The following UBR7 variants were observed in gnomAD, a reference collection of about 807,000 sequenced individuals.
UBR7 encodes the protein ubiquitin protein ligase E3 component n-recognin 7, also known as putative E3 ubiquitin-protein ligase UBR7.
A neutral mutation model predicts 57.0 loss-of-function variants in UBR7; 22 were observed. The observed-to-expected ratio is 0.39, with a 90% CI of 0.28 to 0.55. The LOEUF (loss-of-function observed/expected upper bound fraction) is 0.55, where lower values mean the gene tolerates loss of function less well. Among genes scored for constraint, UBR7 ranks in the 20% least tolerant of loss-of-function variants. The probability of loss-of-function intolerance (pLI) is 0.69; values close to 1 mark genes in which losing one functional copy is unlikely to be tolerated. For missense variants in UBR7, 395 were observed against 513.2 expected (o/e 0.77, Z 2.23); for synonymous variants, 167 against 179.8 (o/e 0.93, Z 0.57).
chr14:93,211,975 G>A, intron 3 of UBR7, 57 bp from the exon 4 acceptor site: 1 of 1,328,424 alleles, frequency 7.5e-7, no homozygotes, highest in Admixed American at 1.9e-5. Flanking sequence ...TTTATAATGT[G>A]TGAAATTATA....
intron 1 of UBR7, among the ~76,000 whole-genome samples, chr14:93,209,014 C>T (rs1364956813): frequency 1.3e-5 from 2 of 152,084 alleles, no homozygotes; most frequent in African/African-American, 2.4e-5. Flanking sequence ...GTTTTCACCA[C>T]GTTGACCAGG....
rs1894874821 is a variant in UBR7, at chr14:93,227,213, A to G, written c.*178A>G. ...CCGTGTGGATGCTGACTTCACAGCC[A>G]GCGTCCTCTGTGACTCAGCTGATGC... On this transcript the variant is annotated 3_prime_UTR_variant, in exon 11 of 11. Coordinates refer to ENST00000013070, the MANE Select transcript of UBR7 (RefSeq NM_175748.4). 1.6e-6 allele frequency: 1 copy of G among 639,816 alleles called. No individual in the cohort carries two copies. Among genetic ancestry groups the G allele is most frequent in the East Asian group, 3.2e-5 (1 of 31,514 alleles). 39.6% of individuals were successfully genotyped at this position (639,816 alleles called of 1,614,324 possible).
At chr14:93,211,776 T>C (rs990946769) in intron 3 of UBR7, among the ~76,000 whole-genome samples, 2 of 151,958 alleles carry the variant, frequency 1.3e-5, no homozygotes, top group Non-Finnish European at 2.9e-5. Flanking sequence ...AACTTTTATC[T>C]CCATTTTATT....
In UBR7 at chr14:93,207,369, G is replaced by A. The variant is rs1199819256; in HGVS notation, c.78G>A (p.Glu26=). ...PVVSLVDVLE[E]DEELENEACA... ...TATCGTTGGTCGACGTCCTTGAGGA[G>A]GACGAGGAGCTGGAGAATGAGGCGT... Residue 26 remains glutamate (E), a synonymous_variant, in exon 1 of 11, where the codon GAG becomes GAA. Transcript: ENST00000013070. 6.4e-7 allele frequency: 1 copy of A among 1,557,008 alleles called. No individual in the cohort carries two copies. Among genetic ancestry groups the A allele is most frequent in the Non-Finnish European group, 8.7e-7 (1 of 1,150,800 alleles).
intron 1 of UBR7, among the ~76,000 whole-genome samples, chr14:93,209,004 G>C (rs1894427377): frequency 6.6e-6 from 1 of 152,044 alleles, no homozygotes; most frequent in Admixed American, 6.6e-5. Context: ...TAGAGATGAG[G>C]TTTTCACCAC....
At chr14:93,213,723 C>T (rs1894537339) in intron 4 of UBR7, among the ~76,000 whole-genome samples, 1 of 152,050 alleles carries the variant, frequency 6.6e-6, no homozygotes, top group Non-Finnish European at 1.5e-5. Context: ...CCTTTCATAT[C>T]CTCAGTCCAT....
rs556021583 is a variant in UBR7 at position 93,227,430 on chromosome 14, G to A, written c.*395G>A. 4.3e-5 allele frequency: 29 copies of A among 674,052 alleles called. No individual in the cohort carries two copies. The East Asian group carries it at 6.3e-4, about 15-fold the overall frequency. The allele number at this position is 674,052 out of a possible 1,614,324, so 41.8% of individuals were successfully genotyped here. Reference sequence around the variant, plus strand: ...CCAGAACCTCCTCCGCAGGCATCACGGAAGGCTCTCTTCCCGTCACCTAGA... The same window carrying A: ...CCAGAACCTCCTCCGCAGGCATCACAGAAGGCTCTCTTCCCGTCACCTAGA... On this transcript the variant is annotated 3_prime_UTR_variant, in exon 11 of 11. Transcript: ENST00000013070.
intron 10 of UBR7, among the ~76,000 whole-genome samples, chr14:93,224,342 A>G (rs565855281): frequency 1.3e-5 from 2 of 148,684 alleles, no homozygotes; most frequent in South Asian, 4.3e-4. Flanking sequence ...CTTCACTATC[A>G]CTGAGAACAA....
rs141192831 is a variant in UBR7, at chr14:93,227,768, T to G, written c.*733T>G. ...ATTCTATTGGCACTAGAATTAGAAT[T>G]TCAGTACTGTAGTGCTCACAGGGCT... On this transcript the variant is annotated 3_prime_UTR_variant, in exon 11 of 11. Transcript: ENST00000013070. The G allele has an allele frequency of 2.9e-6, 2 of 700,832 alleles. No individual in the cohort carries two copies. The highest frequency in any genetic ancestry group is 5.4e-5 in the East Asian group (2 of 37,298). 43.4% of individuals were successfully genotyped at this position (700,832 alleles called of 1,614,324 possible).
At chr14:93,217,382 G>A (rs1218427736) in intron 6 of UBR7, among the ~76,000 whole-genome samples, 1 of 152,090 alleles carries the variant, frequency 6.6e-6, no homozygotes, top group Non-Finnish European at 1.5e-5. Context: ...TCTCCCATCA[G>A]CAGATGGCTT....
intron 10 of UBR7, 139 bp from the exon 11 acceptor site, chr14:93,226,792 CAAAAAAAAAAAA>C (rs55907535): frequency 8.7e-6 from 3 of 343,398 alleles, no homozygotes; most frequent in Admixed American, 4.6e-5. Context: ...CACTCCATCT[CAAAAAAAAAAAA>C]AAAAAAAAAT....
At chr14:93,219,924 G>A (rs1021321661) in intron 8 of UBR7, among the ~76,000 whole-genome samples, 7 of 151,440 alleles carry the variant, frequency 4.6e-5, no homozygotes, top group African/African-American at 1.2e-4. Flanking sequence ...GCAATGAGTC[G>A]AGATCATGCC....
chr14:93,213,574 TG>T (rs1894533961), intron 4 of UBR7, among the ~76,000 whole-genome samples: 1 of 152,214 alleles, frequency 6.6e-6, no homozygotes, highest in South Asian at 2.1e-4. Context: ...CCCAAAGTGC[TG>T]GGATTACAGG....
rs1894727013 is a variant in UBR7, at chr14:93,222,389, A to C, written c.1185+15A>C. The C allele has an allele frequency of 2.5e-6, 4 of 1,570,512 alleles. No homozygotes were observed. Among genetic ancestry groups the C allele is most frequent in the Non-Finnish European group, 3.5e-6 (4 of 1,140,426 alleles). On this transcript the variant is annotated intron_variant, in intron 10 of 10. Coordinates refer to ENST00000013070, the MANE Select transcript of UBR7 (RefSeq NM_175748.4). Reference sequence around the variant, plus strand: ...ATGAAGGCACGGTATGTTGAGTTAAAGAATTCTAATCATAGCCCTGTAAGT... The same window carrying C: ...ATGAAGGCACGGTATGTTGAGTTAACGAATTCTAATCATAGCCCTGTAAGT...
At chr14:93,207,486 C>A in intron 1 of UBR7, 45 bp downstream of exon 1, 1 of 1,501,268 alleles carries the variant, frequency 6.7e-7, no homozygotes. Context: ...TCCCGCCGAA[C>A]CTCCCCTTCC....
At chr14:93,224,057 T>A in intron 10 of UBR7, 1 of 1,016,698 alleles carries the variant, frequency 9.8e-7, no homozygotes, top group Non-Finnish European at 1.5e-6. Context: ...TCGCATGTGG[T>A]AGAGGGGCGG....
In UBR7 at chr14:93,224,593, G is replaced by A. The variant is rs532635705; in HGVS notation, c.1185+2219G>A. On this transcript the variant is annotated intron_variant, in intron 10 of 10. Coordinates refer to ENST00000013070, the MANE Select transcript of UBR7 (RefSeq NM_175748.4). ...GGGGTTTCACCGTGTTAGCCAGGATGGTCTCGATTTCCTGACCTTGTGATC... is the reference window on the plus strand; with the variant it reads ...GGGGTTTCACCGTGTTAGCCAGGATAGTCTCGATTTCCTGACCTTGTGATC... 5.9e-5 allele frequency among the ~76,000 whole-genome samples: 9 copies of A among 151,984 alleles called. No individual in the cohort carries two copies. In the South Asian group the frequency reaches 1.5e-3, roughly 25 times the overall value.
rs148287036 is a variant in UBR7 at position 93,218,050 on chromosome 14, C to T, written c.602-477C>T. ...TGGGGGTTGCAATGAGCCAAGATCACGCCATTGCACTCCAGCCTGGGCAAC... is the reference window on the plus strand; with the variant it reads ...TGGGGGTTGCAATGAGCCAAGATCATGCCATTGCACTCCAGCCTGGGCAAC... On this transcript the variant is annotated intron_variant, in intron 6 of 10. Transcript: ENST00000013070. Among the ~76,000 whole-genome samples, 22 of 149,902 alleles carry T rather than the reference C, an allele frequency of 1.5e-4. No individual in the cohort carries two copies. The South Asian group carries it at 3.4e-3, about 23-fold the overall frequency.
chr14:93,223,721 G>A, intron 10 of UBR7: 4 of 833,344 alleles, frequency 4.8e-6, no homozygotes, highest in Non-Finnish European at 4.0e-6. Context: ...GCCGGCTGGC[G>A]GCACTTGCTG....
Sources: gnomAD v4.1 joint callset for allele counts (sites outside exome capture counted in the v4.1 genomes callset) on GRCh38, gnomAD v4.1.1 for gene constraint, MANE v1.5 for transcripts, NCBI Gene and HGNC (gene_info 2026-07-23, HGNC 2026-07-21) for gene names.